The following MACF1 variants were observed in gnomAD, a reference collection of about 807,000 sequenced individuals.
The protein encoded by MACF1 is microtubule-actin cross-linking factor 1.
MACF1 carries 193 observed loss-of-function variants against 854.8 expected under a neutral mutation model. The observed-to-expected ratio is 0.23, with a 90% CI of 0.20 to 0.25. The LOEUF (loss-of-function observed/expected upper bound fraction) is 0.25. Among genes scored for constraint, MACF1 ranks in the 10% least tolerant of loss-of-function variants. MACF1 has a pLI of 1.00. For synonymous variants in MACF1, 3,185 were observed against 3,226.7 expected, an observed-to-expected ratio of 0.99 and a Z score of 0.44; for missense variants, 7,722 against 8,929.1, an observed-to-expected ratio of 0.86 and a Z score of 5.45.
intron 2 of MACF1, among the ~76,000 whole-genome samples, chr1:39,149,686 C>A (rs913450956): frequency 6.6e-6 from 1 of 152,024 alleles, no homozygotes; most frequent in East Asian, 1.9e-4. Context: ...AAGCACTTGG[C>A]ACTACAGAGC....
intron 56 of MACF1, 76 bp downstream of exon 56, chr1:39,382,228 A>C (rs1650285642): frequency 7.3e-7 from 1 of 1,368,098 alleles, no homozygotes; most frequent in Non-Finnish European, 1.0e-6. Flanking sequence ...AGTAGATTTC[A>C]TGTGATCCTG....
chr1:39,448,743 T>C lies in MACF1; in HGVS notation c.20238T>C (p.Val6746=), dbSNP rs751881268. 6.2e-7 allele frequency: 1 copy of C among 1,612,570 alleles called. No individual in the cohort carries two copies. The highest frequency in any genetic ancestry group is 8.5e-7 in the Non-Finnish European group (1 of 1,179,158). ...LGEVRDKWDT[V]CGKSVERQHK... is the part of the protein sequence containing the mutation. ...AAGTCAGAGACAAATGGGATACTGTTTGTGGCAAGTCTGTGGAGCGGTGAG... is the reference window on the plus strand; with the variant it reads ...AAGTCAGAGACAAATGGGATACTGTCTGTGGCAAGTCTGTGGAGCGGTGAG... Residue 6746 remains valine, a synonymous_variant, in exon 84 of 101, where the codon GTT becomes GTC. Coordinates refer to ENST00000564288, the MANE Select transcript of MACF1 (RefSeq NM_001394062.1).
chr1:39,119,207 C>T (rs1571063441), intron 2 of MACF1, among the ~76,000 whole-genome samples: 1 of 150,210 alleles, frequency 6.7e-6, no homozygotes. Context: ...ATCCCAGCTA[C>T]TTGGGAGGCT....
chr1:39,102,621 G>A (rs1642121794), intron 2 of MACF1: 2 of 619,462 alleles, frequency 3.2e-6, no homozygotes, highest in Admixed American at 2.8e-5. Context: ...TTAGGGATAG[G>A]GGTATTTGAT....
intron 29 of MACF1, 57 bp from the exon 30 acceptor site, chr1:39,318,396 T>C (rs1343667592): frequency 2.0e-6 from 3 of 1,489,684 alleles, no homozygotes; most frequent in Non-Finnish European, 1.8e-6. Flanking sequence ...ATTACCTCAT[T>C]TACTTTATTG....
In MACF1 at chr1:39,131,715, C is replaced by A. The variant is rs536370918; in HGVS notation, c.220+47277C>A. ...ATGCTTAGCATATTTAATTGGGAGA[C>A]ATTATTAGAAAGTGGAGATGGATAA... On this transcript the variant is annotated intron_variant, in intron 2 of 93. Coordinates refer to the MACF1 transcript ENST00000361689. Among the ~76,000 whole-genome samples, 66 of 152,240 alleles carry A rather than the reference C, an allele frequency of 4.3e-4. 1 individual carries two copies. The highest frequency in any genetic ancestry group is 1.4e-3 in the African/African-American group (60 of 41,540).
intron 85 of MACF1, 84 bp downstream of exon 85, chr1:39,451,295 T>C: frequency 7.5e-7 from 1 of 1,336,018 alleles, no homozygotes. Flanking sequence ...TGACTGCCTC[T>C]GCCCTTCTTT....
rs374351791 is a variant in MACF1, at chr1:39,145,389, CA to C, written c.220+60952del. Among the ~76,000 whole-genome samples, 34 of 152,314 alleles carry C rather than the reference CA, an allele frequency of 2.2e-4. No individual in the cohort carries two copies. In the East Asian group the frequency reaches 6.6e-3, roughly 29 times the overall value. ...CCTATTTCAGAGGCAGGTCTCTGGGCATATACATATATATTTTGTGTTCTTA... is the reference window on the plus strand; with the variant it reads ...CCTATTTCAGAGGCAGGTCTCTGGGCTATACATATATATTTTGTGTTCTTA... On this transcript the variant is annotated intron_variant, in intron 2 of 93. Transcript: ENST00000361689.
At position 39,319,647 on chromosome 1, in the gene MACF1, G is replaced by A; in HGVS notation, c.3946-17G>A. On this transcript the variant is annotated splice_polypyrimidine_tract_variant and intron_variant, in intron 30 of 100. Transcript: ENST00000564288. ...GTGGTAATGGCAATGATAATGTTGT[G>A]ATATTTTGCTTCCTAGGCCCTATTT... 1.3e-6 allele frequency: 2 copies of A among 1,569,720 alleles called. No individual in the cohort carries two copies. The highest frequency in any genetic ancestry group is 1.8e-6 in the Non-Finnish European group (2 of 1,140,380).
chr1:39,115,729 G>A (rs886278640), intron 2 of MACF1, among the ~76,000 whole-genome samples: 2 of 152,096 alleles, frequency 1.3e-5, no homozygotes, highest in African/African-American at 4.8e-5. Context: ...TGTATATTGA[G>A]ACAAAAACTC....
chr1:39,466,636 A>G (rs931052707), intron 95 of MACF1, among the ~76,000 whole-genome samples: 7 of 152,102 alleles, frequency 4.6e-5, no homozygotes, highest in African/African-American at 1.7e-4. Context: ...AATCCTCCAT[A>G]TCTCTCAGAA....
chr1:39,097,856 G>C (rs1641974778), intron 2 of MACF1, among the ~76,000 whole-genome samples: 1 of 152,202 alleles, frequency 6.6e-6, no homozygotes, highest in African/African-American at 2.4e-5. Context: ...CCACTCTCAA[G>C]GGCCTCTCCC....
At chr1:39,372,258 T>A (rs1649319737) in intron 51 of MACF1, among the ~76,000 whole-genome samples, 1 of 152,236 alleles carries the variant, frequency 6.6e-6, no homozygotes, top group South Asian at 2.1e-4. Flanking sequence ...GAGCTTCTGG[T>A]TTTAGAAATT....
At chr1:39,485,002 A>C (rs1294510457) in intron 100 of MACF1, 3 of 513,214 alleles carry the variant, frequency 5.8e-6, no homozygotes, top group Non-Finnish European at 1.0e-5. Flanking sequence ...ATGTAAAAGG[A>C]AATGTGGGTC....
intron 2 of MACF1, among the ~76,000 whole-genome samples, chr1:39,150,601 A>G (rs548496402): frequency 1.3e-5 from 2 of 152,290 alleles, no homozygotes; most frequent in East Asian, 3.9e-4. Flanking sequence ...GTTTCCTCCA[A>G]GATTCTTGAA....
chr1:39,104,694 C>T (rs1642174976), intron 2 of MACF1, among the ~76,000 whole-genome samples: 2 of 152,146 alleles, frequency 1.3e-5, no homozygotes, highest in South Asian at 4.1e-4. Flanking sequence ...GGCTCTGGCT[C>T]CTTGGCCTGG....
intron 2 of MACF1, among the ~76,000 whole-genome samples, chr1:39,113,913 G>A (rs977304195): frequency 1.3e-5 from 2 of 152,088 alleles, no homozygotes; most frequent in African/African-American, 4.8e-5. Flanking sequence ...GTACATGCCT[G>A]TAGTCCCAGC....
intron 66 of MACF1, 133 bp from the exon 67 acceptor site, chr1:39,432,402 C>T: frequency 7.6e-6 from 5 of 654,442 alleles, no homozygotes; most frequent in South Asian, 2.4e-5. Context: ...AAATTCTTCC[C>T]AGTTTTGACT....
intron 79 of MACF1, among the ~76,000 whole-genome samples, chr1:39,444,434 A>G (rs1309571539): frequency 1.3e-5 from 2 of 152,216 alleles, no homozygotes; most frequent in African/African-American, 2.4e-5. Flanking sequence ...TTACATTTTA[A>G]TACAAATGAA....
Sources: allele counts gnomAD v4.1 joint callset (sites outside exome capture counted in the v4.1 genomes callset), GRCh38; gene constraint gnomAD v4.1.1; transcripts MANE v1.5; gene names NCBI Gene and HGNC (gene_info 2026-07-23, HGNC 2026-07-21).